OR10AD1: variants seen among roughly 807,000 people sequenced by gnomAD.
OR10AD1 encodes olfactory receptor 10AD1.
For missense variants in OR10AD1, 309 were observed against 192.7 expected (o/e 1.60, Z -3.57); for synonymous variants, 115 against 72.2 (o/e 1.59, Z -3.00).
In OR10AD1 at chr12:48,202,412, C is replaced by T. The variant is rs746786779; in HGVS notation, c.881G>A (p.Arg294His). 28 of 780,648 alleles carry T rather than the reference C, an allele frequency of 3.6e-5. No homozygotes were observed. Among genetic ancestry groups the T allele is most frequent in the South Asian group, 2.4e-4 (18 of 74,586 alleles). 48.4% of individuals were successfully genotyped at this position (780,648 alleles called of 1,614,324 possible). A position where few individuals can be genotyped will look rare whatever the true frequency, so the allele number is the denominator to read the frequency against. ...PMCNPIIYSF[R>H]NKEIKEAMVR... ...CATGGCCTCCTTAATTTCCTTGTTG[C>T]GGAAACTATAAATGATGGGGTTGCA... Residue 294 changes from arginine to histidine, a missense_variant, in exon 1 of 1, where the codon CGC (arginine) becomes CAC (histidine). Transcript: ENST00000310248.
rs780762242 is a variant in OR10AD1 at position 48,202,610 on chromosome 12, C to T, written c.683G>A (p.Ser228Asn). The change falls in exon 1 of 1, where the codon AGC (serine) becomes AAC (asparagine). Residue 228 changes from serine (S) to asparagine (N), a missense_variant. Coordinates refer to ENST00000310248, the MANE Select transcript of OR10AD1 (RefSeq NM_001004134.1). ...SYVHILATIL[S>N]KASSSGRGKT... Reference sequence around the variant, plus strand: ...CCCCCGACCTGAGGAGGAGGCTTTGCTGAGGATGGTGGCCAGGATGTGCAC... The same window carrying T: ...CCCCCGACCTGAGGAGGAGGCTTTGTTGAGGATGGTGGCCAGGATGTGCAC... 1 of 780,864 alleles carries T rather than the reference C, an allele frequency of 1.3e-6. No homozygotes were observed. The highest frequency in any genetic ancestry group is 2.4e-6 in the Non-Finnish European group (1 of 418,104). 48.4% of individuals were successfully genotyped at this position (780,864 alleles called of 1,614,324 possible).
In OR10AD1 at chr12:48,203,269, C is replaced by G. The variant is rs769702513; in HGVS notation, c.24G>C (p.Val8=). 1 of 780,566 alleles carries G rather than the reference C, an allele frequency of 1.3e-6. No homozygotes were observed. Among genetic ancestry groups the G allele is most frequent in the South Asian group, 1.3e-5 (1 of 74,562 alleles). 48.4% of individuals were successfully genotyped at this position (780,566 alleles called of 1,614,324 possible). A position where few individuals can be genotyped will look rare whatever the true frequency, so the allele number is the denominator to read the frequency against. Residue 8 remains valine, a synonymous_variant, in exon 1 of 1, where the codon GTG becomes GTC. Transcript: ENST00000310248. ...GAAAGCCCACGAGGATAAATTCCGT[C>G]ACTATGCTGCCATTCCTTAGCATCT... The part of the protein sequence containing the change: MLRNGSI[V]TEFILVGFQQ...
chr12:48,203,014 G>C lies in OR10AD1; in HGVS notation c.279C>G (p.Val93=). ...LIHLVVRDHI[V]SFVCCMTQMY... ...TCTGGGTCATGCAACATACAAAGGA[G>C]ACAATGTGGTCCCTGACCACGAGGT... Residue 93 remains valine (V), a synonymous_variant, in exon 1 of 1, where the codon GTC becomes GTG. Coordinates refer to ENST00000310248, the MANE Select transcript of OR10AD1 (RefSeq NM_001004134.1). 1.3e-6 allele frequency: 1 copy of C among 781,082 alleles called. No individual in the cohort carries two copies. The highest frequency in any genetic ancestry group is 2.4e-6 in the Non-Finnish European group (1 of 418,130). The allele number at this position is 781,082 out of a possible 1,614,324, so 48.4% of individuals were successfully genotyped here.
Position 48,203,054 on chromosome 12 carries a change from G to A in OR10AD1, c.239C>T (p.Pro80Leu). The change falls in exon 1 of 1, where the codon CCA (proline) becomes CTA (leucine). Residue 80 changes from proline (P) to leucine (L), a missense_variant. Physicochemically the swap from Pro to Leu is moderately conservative, Grantham distance 98 (BLOSUM62 -3). Transcript: ENST00000310248. ...LDVCFITTTI[P>L]QMLIHLVVRD... ...GACCACGAGGTGGATCAACATCTGTGGGATGGTAGTGGTGATGAAGCAGAC... is the reference window on the plus strand; with the variant it reads ...GACCACGAGGTGGATCAACATCTGTAGGATGGTAGTGGTGATGAAGCAGAC... The A allele has an allele frequency of 1.3e-6, 1 of 780,894 alleles. No homozygotes were observed. The highest frequency in any genetic ancestry group is 1.3e-5 in the South Asian group (1 of 74,594). The allele number at this position is 780,894 out of a possible 1,614,324, so 48.4% of individuals were successfully genotyped here. A position where few individuals can be genotyped will look rare whatever the true frequency, so the allele number is the denominator to read the frequency against.
At position 48,202,643 on chromosome 12, in the gene OR10AD1, G is replaced by A. The variant is rs1951601080; in HGVS notation, c.650C>T (p.Thr217Ile). The A allele has an allele frequency of 3.8e-6, 3 of 781,062 alleles. No homozygotes were observed. The East Asian group carries it at 7.3e-5, about 19-fold the overall frequency. 48.4% of individuals were successfully genotyped at this position (781,062 alleles called of 1,614,324 possible). A position where few individuals can be genotyped will look rare whatever the true frequency, so the allele number is the denominator to read the frequency against. The change falls in exon 1 of 1, where the codon ACT becomes ATT. Residue 217 changes from threonine (T) to isoleucine (I), a missense_variant. By Grantham distance (89) the Thr-to-Ile change is moderately conservative (BLOSUM62 -1). Transcript: ENST00000310248. ...GGTGGCCAGGATGTGCACATAGGAA[G>A]TGACAGTGAGCACCATGGGGCTGAG... ...VILSPMVLTV[T>I]SYVHILATIL...
rs1454466549 is a variant in OR10AD1 at position 48,203,285 on chromosome 12, CT to C, written c.7del (p.Arg3GlyfsTer5). 2 of 779,344 alleles carry C rather than the reference CT, an allele frequency of 2.6e-6. No individual in the cohort carries two copies. Among genetic ancestry groups the C allele is most frequent in the African/African-American group, 1.7e-5 (1 of 59,250 alleles). The allele number at this position is 779,344 out of a possible 1,614,324, so 48.3% of individuals were successfully genotyped here. A position where few individuals can be genotyped will look rare whatever the true frequency, so the allele number is the denominator to read the frequency against. On this transcript the variant is annotated frameshift_variant, in exon 1 of 1. Coordinates refer to ENST00000310248, the MANE Select transcript of OR10AD1 (RefSeq NM_001004134.1). LOFTEE classifies it low-confidence loss of function (END_TRUNC). The stretch of plus-strand genomic sequence containing the variant: ...AAATTCCGTCACTATGCTGCCATTC[CT>C]TAGCATCTGGGGCCTGTTTGAGGAG... ML[R>X]NGSIVTEFIL...
Position 48,203,092 on chromosome 12 carries a change from C to T in OR10AD1, c.201G>A (p.Leu67=), listed in dbSNP as rs1565943827. 1.3e-6 allele frequency: 1 copy of T among 780,514 alleles called. No individual in the cohort carries two copies. The highest frequency in any genetic ancestry group is 2.4e-5 in the East Asian group (1 of 41,242). 48.3% of individuals were successfully genotyped at this position (780,514 alleles called of 1,614,324 possible). ...NSPMYFFLGH[L]SLLDVCFITT... ...TGATGAAGCAGACATCCAGGAGAGA[C>T]AGATGGCCGAGGAAGAAGTACATGG... Residue 67 remains leucine, a synonymous_variant, in exon 1 of 1, where the codon CTG becomes CTA. Coordinates refer to ENST00000310248, the MANE Select transcript of OR10AD1 (RefSeq NM_001004134.1).
At position 48,203,265 on chromosome 12, in the gene OR10AD1, C is replaced by T. The variant is rs1951610317; in HGVS notation, c.28G>A (p.Glu10Lys). 2.6e-6 allele frequency: 2 copies of T among 780,604 alleles called. No homozygotes were observed. The highest frequency in any genetic ancestry group is 4.8e-6 in the Non-Finnish European group (2 of 418,050). 48.4% of individuals were successfully genotyped at this position (780,604 alleles called of 1,614,324 possible). A position where few individuals can be genotyped will look rare whatever the true frequency, so the allele number is the denominator to read the frequency against. The change falls in exon 1 of 1, where the codon GAA becomes AAA. Residue 10 changes from glutamate to lysine, a missense_variant. Glu to Lys is a moderately conservative substitution (Grantham distance 56, BLOSUM62 1). Transcript: ENST00000310248. Reference protein sequence around the residue: MLRNGSIVTEFILVGFQQSS... With the variant: MLRNGSIVTKFILVGFQQSS... ...TGCTGAAAGCCCACGAGGATAAATT[C>T]CGTCACTATGCTGCCATTCCTTAGC...
rs1951604547 is a variant in OR10AD1 at position 48,202,879 on chromosome 12, G to GT, written c.413_414insA (p.Ser138ArgfsTer44). The GT allele has an allele frequency of 1.3e-6, 1 of 780,880 alleles. No homozygotes were observed. Among genetic ancestry groups the GT allele is most frequent in the African/African-American group, 1.7e-5 (1 of 59,118 alleles). The allele number at this position is 780,880 out of a possible 1,614,324, so 48.4% of individuals were successfully genotyped here. ...CCACAAGCCTGACACAGACCTTCTGGCTTATGATCGGGACATAGTTAAGTG... is the reference window on the plus strand; with the variant it reads ...CCACAAGCCTGACACAGACCTTCTGGTCTTATGATCGGGACATAGTTAAGTG... On this transcript the variant is annotated frameshift_variant, in exon 1 of 1. Coordinates refer to ENST00000310248, the MANE Select transcript of OR10AD1 (RefSeq NM_001004134.1). LOFTEE classifies it low-confidence loss of function (END_TRUNC).
In OR10AD1 at chr12:48,203,253, C is replaced by T. The variant is rs747916284; in HGVS notation, c.40G>A (p.Val14Met). Residue 14 changes from valine (V) to methionine (M), a missense_variant, in exon 1 of 1, where the codon GTG (valine) becomes ATG (methionine). Coordinates refer to ENST00000310248, the MANE Select transcript of OR10AD1 (RefSeq NM_001004134.1). ...GAAGTGGAGCTCTGCTGAAAGCCCA[C>T]GAGGATAAATTCCGTCACTATGCTG... is the stretch of plus-strand genomic sequence containing the variant. Reference protein sequence around the residue: ...NGSIVTEFILVGFQQSSTSTR... With the variant: ...NGSIVTEFILMGFQQSSTSTR... 5.1e-6 allele frequency: 4 copies of T among 780,894 alleles called. No individual in the cohort carries two copies. The highest frequency in any genetic ancestry group is 1.7e-5 in the Admixed American group (1 of 59,040). 48.4% of individuals were successfully genotyped at this position (780,894 alleles called of 1,614,324 possible).
At position 48,202,525 on chromosome 12, in the gene OR10AD1, A is replaced by G. The variant is rs919594695; in HGVS notation, c.768T>C (p.Ala256=). The G allele has an allele frequency of 7.7e-6, 6 of 780,966 alleles. No homozygotes were observed. Among genetic ancestry groups the G allele is most frequent in the Non-Finnish European group, 1.4e-5 (6 of 418,140 alleles). 48.4% of individuals were successfully genotyped at this position (780,966 alleles called of 1,614,324 possible). A position where few individuals can be genotyped will look rare whatever the true frequency, so the allele number is the denominator to read the frequency against. ...TGTGGGGGTTCATGTAAGAGAACAT[A>G]GCTGAAGTGTAGAGAAAGATGACCA... is the stretch of plus-strand genomic sequence containing the variant. ...LTVVIFLYTS[A]MFSYMNPHST... The change falls in exon 1 of 1, where the codon GCT becomes GCC. Residue 256 remains alanine, a synonymous_variant. Transcript: ENST00000310248.
Position 48,202,945 on chromosome 12 carries a change from C to T in OR10AD1, c.348G>A (p.Leu116=), listed in dbSNP as rs1179471930. 3 of 780,840 alleles carry T rather than the reference C, an allele frequency of 3.8e-6. No homozygotes were observed. Among genetic ancestry groups the T allele is most frequent in the Admixed American group, 3.4e-5 (2 of 58,996 alleles). 48.4% of individuals were successfully genotyped at this position (780,840 alleles called of 1,614,324 possible). ...CATAACGGTCATAGGCCATGAAAGCCAAGAGGATGCACTCGGCCACACCAA... is the reference window on the plus strand; with the variant it reads ...CATAACGGTCATAGGCCATGAAAGCTAAGAGGATGCACTCGGCCACACCAA... ...FCVGVAECIL[L]AFMAYDRYVA... The change falls in exon 1 of 1, where the codon TTG becomes TTA. Residue 116 remains leucine, a synonymous_variant. Coordinates refer to ENST00000310248, the MANE Select transcript of OR10AD1 (RefSeq NM_001004134.1).
In OR10AD1 at chr12:48,203,263, T is replaced by G; in HGVS notation, c.30A>C (p.Glu10Asp). 1 of 780,832 alleles carries G rather than the reference T, an allele frequency of 1.3e-6. No individual in the cohort carries two copies. Among genetic ancestry groups the G allele is most frequent in the Non-Finnish European group, 2.4e-6 (1 of 418,088 alleles). The allele number at this position is 780,832 out of a possible 1,614,324, so 48.4% of individuals were successfully genotyped here. A position where few individuals can be genotyped will look rare whatever the true frequency, so the allele number is the denominator to read the frequency against. The change falls in exon 1 of 1, where the codon GAA becomes GAC. Residue 10 changes from glutamate to aspartate, a missense_variant. Transcript: ENST00000310248. MLRNGSIVTEFILVGFQQSS... is the reference protein window; with the variant it reads MLRNGSIVTDFILVGFQQSS... ...TCTGCTGAAAGCCCACGAGGATAAA[T>G]TCCGTCACTATGCTGCCATTCCTTA...
rs1276542998 is a variant in OR10AD1 at position 48,202,835 on chromosome 12, C to A, written c.458G>T (p.Gly153Val). 1 of 780,848 alleles carries A rather than the reference C, an allele frequency of 1.3e-6. No homozygotes were observed. The highest frequency in any genetic ancestry group is 1.7e-5 in the African/African-American group (1 of 59,116). The allele number at this position is 780,848 out of a possible 1,614,324, so 48.4% of individuals were successfully genotyped here. A position where few individuals can be genotyped will look rare whatever the true frequency, so the allele number is the denominator to read the frequency against. The part of the protein sequence containing the change: ...VRLVGTAWFF[G>V]LINGIFLEYI... ...CTCGAGAAAGATGCCATTGATCAGC[C>A]CAAAGAACCAGGCAGTTCCCACAAG... is the stretch of plus-strand genomic sequence containing the variant. The change falls in exon 1 of 1, where the codon GGG becomes GTG. Residue 153 changes from glycine (G) to valine (V), a missense_variant. Transcript: ENST00000310248.
Position 48,202,649 on chromosome 12 carries a change from G to A in OR10AD1, c.644C>T (p.Thr215Ile), listed in dbSNP as rs759916308. 1.3e-6 allele frequency: 1 copy of A among 781,074 alleles called. No individual in the cohort carries two copies. The highest frequency in any genetic ancestry group is 2.4e-6 in the Non-Finnish European group (1 of 418,132). 48.4% of individuals were successfully genotyped at this position (781,074 alleles called of 1,614,324 possible). Reference protein sequence around the residue: ...IVVILSPMVLTVTSYVHILAT... With the variant: ...IVVILSPMVLIVTSYVHILAT... Reference sequence around the variant, plus strand: ...CAGGATGTGCACATAGGAAGTGACAGTGAGCACCATGGGGCTGAGAATTAC... The same window carrying A: ...CAGGATGTGCACATAGGAAGTGACAATGAGCACCATGGGGCTGAGAATTAC... Residue 215 changes from threonine (T) to isoleucine (I), a missense_variant, in exon 1 of 1, where the codon ACT becomes ATT. By Grantham distance (89) the Thr-to-Ile change is moderately conservative. Transcript: ENST00000310248.
rs535063784 is a variant in OR10AD1, at chr12:48,203,016, C to A, written c.277G>T (p.Val93Phe). The A allele has an allele frequency of 2.2e-4, 170 of 781,038 alleles. 1 individual carries two copies. In the South Asian group the frequency reaches 2.3e-3, roughly 10 times the overall value. The allele number at this position is 781,038 out of a possible 1,614,324, so 48.4% of individuals were successfully genotyped here. A position where few individuals can be genotyped will look rare whatever the true frequency, so the allele number is the denominator to read the frequency against. ...TGGGTCATGCAACATACAAAGGAGA[C>A]AATGTGGTCCCTGACCACGAGGTGG... ...LIHLVVRDHIVSFVCCMTQMY... is the reference protein window; with the variant it reads ...LIHLVVRDHIFSFVCCMTQMY... The change falls in exon 1 of 1, where the codon GTC (valine) becomes TTC (phenylalanine). Residue 93 changes from valine (V) to phenylalanine (F), a missense_variant. Val to Phe is a conservative substitution (Grantham distance 50, BLOSUM62 -1). Transcript: ENST00000310248.
rs774120536 is a variant in OR10AD1 at position 48,203,133 on chromosome 12, G to A, written c.160C>T (p.Pro54Ser). 4 of 780,902 alleles carry A rather than the reference G, an allele frequency of 5.1e-6. No homozygotes were observed. Among genetic ancestry groups the A allele is most frequent in the African/African-American group, 5.1e-5 (3 of 59,132 alleles). 48.4% of individuals were successfully genotyped at this position (780,902 alleles called of 1,614,324 possible). The change falls in exon 1 of 1, where the codon CCC (proline) becomes TCC (serine). Residue 54 changes from proline (P) to serine (S), a missense_variant. Pro to Ser is a moderately conservative substitution (Grantham distance 74). Coordinates refer to ENST00000310248, the MANE Select transcript of OR10AD1 (RefSeq NM_001004134.1). ...AAGTACATGGGGCTGTTGAGCTTGG[G>A]GTCTGTCCAGGAGGTGATAAAGATG... ...LIIFITSWTDPKLNSPMYFFL... is the reference protein window; with the variant it reads ...LIIFITSWTDSKLNSPMYFFL...
Position 48,203,128 on chromosome 12 carries a change from C to G in OR10AD1, c.165G>C (p.Lys55Asn). Residue 55 changes from lysine (K) to asparagine (N), a missense_variant, in exon 1 of 1, where the codon AAG becomes AAC. Physicochemically the swap from Lys to Asn is moderately conservative, Grantham distance 94. Coordinates refer to ENST00000310248, the MANE Select transcript of OR10AD1 (RefSeq NM_001004134.1). ...IIFITSWTDP[K>N]LNSPMYFFLG... ...GGAAGAAGTACATGGGGCTGTTGAG[C>G]TTGGGGTCTGTCCAGGAGGTGATAA... 1 of 780,950 alleles carries G rather than the reference C, an allele frequency of 1.3e-6. No individual in the cohort carries two copies. The highest frequency in any genetic ancestry group is 2.4e-6 in the Non-Finnish European group (1 of 418,086). 48.4% of individuals were successfully genotyped at this position (780,950 alleles called of 1,614,324 possible).
rs763721986 is a variant in OR10AD1, at chr12:48,202,754, CAGA to C, written c.536_538del (p.Phe179del). On this transcript the variant is annotated inframe_deletion, in exon 1 of 1. Coordinates refer to ENST00000310248, the MANE Select transcript of OR10AD1 (RefSeq NM_001004134.1). ...GAGGCCAATCACTATGGGGGCCTCA[CAGA>C]AGAAGCTTTCTATGTGGTTGTCTCT... 6.4e-6 allele frequency: 5 copies of C among 780,862 alleles called. No homozygotes were observed. Among genetic ancestry groups the C allele is most frequent in the Non-Finnish European group, 1.2e-5 (5 of 418,094 alleles). 48.4% of individuals were successfully genotyped at this position (780,862 alleles called of 1,614,324 possible).
Sources: allele counts gnomAD v4.1 joint callset, GRCh38; gene constraint gnomAD v4.1.1; transcripts MANE v1.5; gene names NCBI Gene and HGNC (gene_info 2026-07-23, HGNC 2026-07-21).